TBC1D2: variants seen among roughly 807,000 people sequenced by gnomAD.
TBC1D2 encodes TBC1 domain family member 2.
TBC1D2 carries 58 observed loss-of-function variants against 91.1 expected under a neutral mutation model. That is an observed-to-expected ratio of 0.64 (90% CI 0.52 to 0.79). TBC1D2 has a LOEUF of 0.79. Ranked by LOEUF, TBC1D2 falls within the 30% of genes least tolerant of loss-of-function variation. The pLI, the probability that TBC1D2 is intolerant of heterozygous loss-of-function variation, is 0.00. For synonymous variants in TBC1D2, 482 were observed against 511.5 expected, an observed-to-expected ratio of 0.94 and a Z score of 0.78; for missense variants, 1,080 against 1,208.3, an observed-to-expected ratio of 0.89 and a Z score of 1.57.
At chr9:98,204,603 T>C (rs758159248) in intron 9 of TBC1D2, among the ~76,000 whole-genome samples, 1 of 152,230 alleles carries the variant, frequency 6.6e-6, no homozygotes, top group African/African-American at 2.4e-5. Context: ...CTTTTGAGGC[T>C]CACAACTCTT....
chr9:98,199,697 CCT>C, intron 12 of TBC1D2, 109 bp from the exon 13 acceptor site: 1 of 1,125,494 alleles, frequency 8.9e-7, no homozygotes, highest in Non-Finnish European at 1.3e-6. Flanking sequence ...GTGGCTGAGC[CCT>C]GACCCCTGCC....
chr9:98,221,354 C>G, intron 5 of TBC1D2, 126 bp from the exon 6 acceptor site: 1 of 1,160,312 alleles, frequency 8.6e-7, no homozygotes, highest in East Asian at 2.6e-5. Flanking sequence ...CCTGCGGCAT[C>G]TCATCCTGAC....
rs372872098 is a variant in TBC1D2, at chr9:98,203,393, G to A, written c.2166C>T (p.Ala722=). ...CQGLNRLAAI[A]LLVLEEEESA... is the part of the protein sequence containing the mutation. ...TCTCCTCCTCCTCTAGGACCAGCAG[G>A]GCAATGGCCGCCAGCCTGGAGTAGT... is the stretch of plus-strand genomic sequence containing the variant. The change falls in exon 10 of 13, where the codon GCC becomes GCT. Residue 722 remains alanine (A), a synonymous_variant. Coordinates refer to ENST00000465784, the MANE Select transcript of TBC1D2 (RefSeq NM_001267571.2). The A allele has an allele frequency of 1.2e-6, 2 of 1,614,084 alleles. No individual in the cohort carries two copies. Among genetic ancestry groups the A allele is most frequent in the African/African-American group, 1.3e-5 (1 of 74,950 alleles).
rs375555100 is a variant in TBC1D2, at chr9:98,210,613, G to A, written c.1673+43C>T. ...GCAGCAAGGCAGCTGGGGAGGAGCC[G>A]CCAGCTCACATAGACCAGCCCTTCC... On this transcript the variant is annotated intron_variant, in intron 8 of 12. Transcript: ENST00000465784. 264 of 1,493,538 alleles carry A rather than the reference G, an allele frequency of 1.8e-4. 2 individuals carry two copies. The highest frequency in any genetic ancestry group is 1.4e-3 in the East Asian group (58 of 40,712). 92.5% of individuals were successfully genotyped at this position (1,493,538 alleles called of 1,614,324 possible).
intron 6 of TBC1D2, among the ~76,000 whole-genome samples, chr9:98,219,704 G>T (rs1311951034): frequency 6.6e-6 from 1 of 152,198 alleles, no homozygotes; most frequent in East Asian, 1.9e-4. Context: ...ACATAGAAAA[G>T]GTAGCATGTT....
At chr9:98,204,646 A>T (rs1162099685) in intron 9 of TBC1D2, among the ~76,000 whole-genome samples, 4 of 152,212 alleles carry the variant, frequency 2.6e-5, no homozygotes, top group Non-Finnish European at 4.4e-5. Flanking sequence ...AGAAAAAAGA[A>T]ATATCCCTTC....
At chr9:98,242,181 T>C (rs765111954) in intron 3 of TBC1D2, among the ~76,000 whole-genome samples, 38 of 151,888 alleles carry the variant, frequency 2.5e-4, no homozygotes, top group South Asian at 2.1e-4. Flanking sequence ...GTGGCTCACG[T>C]CTGTAATCCC....
At chr9:98,247,329 C>CAA (rs34334323) in intron 2 of TBC1D2, among the ~76,000 whole-genome samples, 7 of 109,358 alleles carry the variant, frequency 6.4e-5, no homozygotes, top group Admixed American at 2.7e-4. Flanking sequence ...GACTCCGTCT[C>CAA]AAAAAAAAAA....
chr9:98,255,418 C>A lies in TBC1D2; in HGVS notation c.124G>T (p.Glu42Ter). 1 of 1,612,386 alleles carries A rather than the reference C, an allele frequency of 6.2e-7. No homozygotes were observed. The highest frequency in any genetic ancestry group is 8.5e-7 in the Non-Finnish European group (1 of 1,178,642). ...CCACAGAGTTTCTTGGGGACCGCCT[C>A]CAGGGACCGGGCGCAGTCCCCCGAT... ...EESGDCARSL[E>*]AVPKKLCGYL... The change falls in exon 1 of 13, where the codon GAG becomes TAG. Residue 42 changes from glutamate (E) to a stop codon, truncating the protein, a stop_gained. Coordinates refer to ENST00000465784, the MANE Select transcript of TBC1D2 (RefSeq NM_001267571.2). LOFTEE classifies it high-confidence loss of function.
At chr9:98,241,916 C>T (rs1829646086) in intron 3 of TBC1D2, among the ~76,000 whole-genome samples, 2 of 152,140 alleles carry the variant, frequency 1.3e-5, no homozygotes, top group East Asian at 1.9e-4. Context: ...GGGAGCTCTA[C>T]CTCCAGCCAG....
chr9:98,252,140 T>A (rs1829886784), intron 1 of TBC1D2, among the ~76,000 whole-genome samples: 1 of 152,306 alleles, frequency 6.6e-6, no homozygotes, highest in Admixed American at 6.5e-5. Context: ...GGCCTCAGTT[T>A]CCTCATCTGT....
At chr9:98,231,230 T>C (rs1829360719) in intron 4 of TBC1D2, among the ~76,000 whole-genome samples, 1 of 145,198 alleles carries the variant, frequency 6.9e-6, no homozygotes, top group Non-Finnish European at 1.5e-5. Flanking sequence ...GAAGGTGGAG[T>C]AAGAGGAGCA....
chr9:98,245,438 G>A (rs1432161620), intron 2 of TBC1D2, among the ~76,000 whole-genome samples: 6 of 151,602 alleles, frequency 4.0e-5, no homozygotes, highest in African/African-American at 9.7e-5. Context: ...GTGGTGGTGC[G>A]TGCCTATAGT....
At chr9:98,242,585 G>A (rs1829668968) in intron 3 of TBC1D2, among the ~76,000 whole-genome samples, 1 of 152,112 alleles carries the variant, frequency 6.6e-6, no homozygotes, top group African/African-American at 2.4e-5. Context: ...TGCATTTCAT[G>A]CTTAAGACTG....
At chr9:98,253,735 C>G (rs1363272736) in intron 1 of TBC1D2, among the ~76,000 whole-genome samples, 1 of 152,170 alleles carries the variant, frequency 6.6e-6, no homozygotes, top group African/African-American at 2.4e-5. Flanking sequence ...TGGCTAGCCC[C>G]TTCCACTTGG....
chr9:98,202,254 T>G lies in TBC1D2; in HGVS notation c.2272-590A>C, dbSNP rs767578577. On this transcript the variant is annotated intron_variant, in intron 10 of 12. Transcript: ENST00000465784. ...GACACTGGCCAGTGACCTCTTCTTGTGACCACTGTCATGCCTCCGTCCTTG... is the reference window on the plus strand; with the variant it reads ...GACACTGGCCAGTGACCTCTTCTTGGGACCACTGTCATGCCTCCGTCCTTG... Among the ~76,000 whole-genome samples the G allele has an allele frequency of 3.3e-4, 50 of 152,254 alleles. 1 individual carries two copies. Among genetic ancestry groups the G allele is most frequent in the Admixed American group, 6.5e-4 (10 of 15,286 alleles).
In TBC1D2 at chr9:98,251,923, C is replaced by T. The variant is rs140114775; in HGVS notation, c.373G>A (p.Ala125Thr). 58 of 1,596,694 alleles carry T rather than the reference C, an allele frequency of 3.6e-5. 1 individual carries two copies. The highest frequency in any genetic ancestry group is 2.0e-4 in the African/African-American group (15 of 73,590). Reference sequence around the variant, plus strand: ...CAGTACAGCATCGCTTGCTTGGTGGCGGCCTGAGAAGCACAAGGATTAGTT... The same window carrying T: ...CAGTACAGCATCGCTTGCTTGGTGGTGGCCTGAGAAGCACAAGGATTAGTT... ...TPSRVITLKA[A>T]TKQAMLYWLQ... is the part of the protein sequence containing the mutation. The change falls in exon 2 of 13, where the codon GCC (alanine) becomes ACC (threonine). Residue 125 changes from alanine to threonine, a missense_variant. Physicochemically the swap from Ala to Thr is moderately conservative, Grantham distance 58. Coordinates refer to ENST00000465784, the MANE Select transcript of TBC1D2 (RefSeq NM_001267571.2).
intron 6 of TBC1D2, 38 bp from the exon 7 acceptor site, chr9:98,213,256 A>G (rs780582213): frequency 6.2e-7 from 1 of 1,612,294 alleles, no homozygotes; most frequent in African/African-American, 1.3e-5. Flanking sequence ...AGTTGGACAT[A>G]AACATCTCCC....
In TBC1D2 at chr9:98,213,044, G is replaced by A. The variant is rs1211773097; in HGVS notation, c.1485+64C>T. 3.8e-6 allele frequency: 6 copies of A among 1,558,834 alleles called. No individual in the cohort carries two copies. The East Asian group carries it at 6.7e-5, about 17-fold the overall frequency. Reference sequence around the variant, plus strand: ...AAATGAGGAGAGTGAGACGGAGTGGGCAGCATGGGGACCAGCAGAGGGGCC... The same window carrying A: ...AAATGAGGAGAGTGAGACGGAGTGGACAGCATGGGGACCAGCAGAGGGGCC... On this transcript the variant is annotated intron_variant, in intron 7 of 12. Transcript: ENST00000465784.
Sources: gnomAD v4.1 joint callset for allele counts (sites outside exome capture counted in the v4.1 genomes callset) on GRCh38, gnomAD v4.1.1 for gene constraint, MANE v1.5 for transcripts, NCBI Gene and HGNC (gene_info 2026-07-23, HGNC 2026-07-21) for gene names.